Variants in DMD observed in about 807,000 individuals in gnomAD.
DMD encodes dystrophin.
Under a neutral mutation model 330.1 loss-of-function variants are expected in DMD, and 63 were observed. That is an observed-to-expected ratio of 0.19 (90% CI 0.16 to 0.24). The LOEUF (loss-of-function observed/expected upper bound fraction) is 0.24, where lower values mean the gene tolerates loss of function less well. DMD is among the 10% of genes least tolerant of loss of function. DMD has a pLI of 1.00. For synonymous variants in DMD, 1,223 were observed against 959.8 expected (o/e 1.27, Z -5.07); for missense variants, 3,344 against 2,684.1 (o/e 1.25, Z -5.43).
chrX:32,653,333 T>C (rs1320370706), intron 9 of DMD, among the ~76,000 whole-genome samples: 1 of 112,131 alleles, frequency 8.9e-6, no homozygotes, highest in African/African-American at 3.2e-5. Context: ...TTCATTTTTG[T>C]ATAATGTGTA....
At chrX:32,692,977 A>G (rs189925204) in intron 9 of DMD, among the ~76,000 whole-genome samples, 10 of 112,262 alleles carry the variant, frequency 8.9e-5, no homozygotes, top group African/African-American at 2.9e-4. Flanking sequence ...AATAATACAC[A>G]TGAGGAAACT....
At chrX:31,773,283 T>C (rs1470232069) in intron 51 of DMD, among the ~76,000 whole-genome samples, 1 of 112,113 alleles carries the variant, frequency 8.9e-6, no homozygotes, top group Non-Finnish European at 1.9e-5. Flanking sequence ...AGGTAAACCA[T>C]ATTTACATCA....
At chrX:31,508,774 G>T (rs1478389519) in intron 55 of DMD, among the ~76,000 whole-genome samples, 2 of 109,705 alleles carry the variant, frequency 1.8e-5, no homozygotes, top group African/African-American at 3.4e-5. Context: ...TGTGTAACTA[G>T]AAAAGTTTTT....
At chrX:31,553,311 C>T (rs1411927588) in intron 55 of DMD, among the ~76,000 whole-genome samples, 1 of 112,440 alleles carries the variant, frequency 8.9e-6, no homozygotes, top group African/African-American at 3.2e-5. Context: ...TAGTGGTCCC[C>T]TCCTGGGCAG....
At chrX:32,324,570 C>T (rs1376994212) in intron 41 of DMD, among the ~76,000 whole-genome samples, 1 of 111,385 alleles carries the variant, frequency 9.0e-6, no homozygotes, top group Non-Finnish European at 1.9e-5. Context: ...ATTGTAATGA[C>T]AAAAATCACA....
chrX:32,417,646 C>A (rs1370570334), intron 29 of DMD, among the ~76,000 whole-genome samples: 1 of 111,375 alleles, frequency 9.0e-6, no homozygotes, highest in African/African-American at 3.3e-5. Flanking sequence ...CATGTTTGAG[C>A]TATCTACCAG....
chrX:31,510,970 G>T (rs894725153), intron 55 of DMD, among the ~76,000 whole-genome samples: 3 of 111,669 alleles, frequency 2.7e-5, no homozygotes, highest in Non-Finnish European at 3.8e-5. Context: ...GAGCCATGTG[G>T]ACTACTATGA....
chrX:32,926,023 A>G (rs1323786924), intron 2 of DMD, among the ~76,000 whole-genome samples: 1 of 112,330 alleles, frequency 8.9e-6, no homozygotes, highest in East Asian at 2.8e-4. Flanking sequence ...ATTGTTCACA[A>G]TAGCCAAGGT....
At chrX:32,734,591 G>T (rs1331751375) in intron 7 of DMD, among the ~76,000 whole-genome samples, 10 of 103,505 alleles carry the variant, frequency 9.7e-5, no homozygotes, top group African/African-American at 3.7e-4. Flanking sequence ...TCATCCCTGG[G>T]ATGCAAGGCT....
intron 7 of DMD, among the ~76,000 whole-genome samples, chrX:32,718,908 T>A (rs1425834474): frequency 8.9e-6 from 1 of 112,128 alleles, no homozygotes; most frequent in East Asian, 2.8e-4. Flanking sequence ...TTGACTCAAG[T>A]GTAAATAGTT....
chrX:31,522,363 C>CTCTCTATA lies in DMD; in HGVS notation c.8218-14911_8218-14910insTATAGAGA. On this transcript the variant is annotated intron_variant, in intron 55 of 78. Coordinates refer to ENST00000357033, the MANE Select transcript of DMD (RefSeq NM_004006.3). ...TCTCTCTCTCTCTCTCTCTCTCTCTCTATATATATATATATATATATATAG... is the reference window on the plus strand; with the variant it reads ...TCTCTCTCTCTCTCTCTCTCTCTCTCTCTCTATATATATATATATATATATATATATAG... Among the ~76,000 whole-genome samples the CTCTCTATA allele has an allele frequency of 6.4e-4, 23 of 35,964 alleles. 1 individual carries two copies. The highest frequency in any genetic ancestry group is 2.5e-3 in the African/African-American group (13 of 5,290). The allele number at this position is 35,964 out of a possible 115,157, so 31.2% of individuals were successfully genotyped here.
At chrX:31,421,994 T>A (rs1483252537) in intron 60 of DMD, among the ~76,000 whole-genome samples, 1 of 72,424 alleles carries the variant, frequency 1.4e-5, no homozygotes, top group Non-Finnish European at 2.3e-5. Flanking sequence ...TATGTATATA[T>A]ACACACACAT....
intron 48 of DMD, among the ~76,000 whole-genome samples, chrX:31,846,434 TACACAC>T (rs67231830): frequency 0.026 from 2,480 of 95,431 alleles, 61 homozygotes; most frequent in African/African-American, 0.075. Flanking sequence ...AATCAAGAAA[TACACAC>T]ACACACACAC....
In DMD at chrX:33,128,465, C is replaced by A; in HGVS notation, c.31+82817G>T. On this transcript the variant is annotated intron_variant, in intron 1 of 78. Transcript: ENST00000357033. The stretch of plus-strand genomic sequence containing the variant: ...TCCCCTCTCACAGCAATGGTTTCTT[C>A]CCTCACCGGCTCAATCTACCTGATT... The A allele has an allele frequency of 1.2e-5, 11 of 919,301 alleles. No homozygotes were observed. The South Asian group carries it at 4.7e-4, about 39-fold the overall frequency. The allele number at this position is 919,301 out of a possible 1,213,427, so 75.8% of individuals were successfully genotyped here.
intron 1 of DMD, among the ~76,000 whole-genome samples, chrX:33,232,656 C>T (rs1401577151): frequency 9.0e-6 from 1 of 110,894 alleles, no homozygotes; most frequent in Non-Finnish European, 1.9e-5. Context: ...TTTGGGAGGC[C>T]GAGAGGGGCA....
chrX:32,902,074 T>G (rs746509159), intron 2 of DMD, among the ~76,000 whole-genome samples: 17 of 108,730 alleles, frequency 1.6e-4, no homozygotes, highest in African/African-American at 5.5e-4. Flanking sequence ...ATAATACATA[T>G]CATACGAATG....
At chrX:32,322,001 C>A (rs1408775094) in intron 41 of DMD, among the ~76,000 whole-genome samples, 1 of 110,583 alleles carries the variant, frequency 9.0e-6, no homozygotes, top group East Asian at 2.9e-4. Context: ...ATGATCATGG[C>A]TAAAAATAAA....
intron 63 of DMD, among the ~76,000 whole-genome samples, chrX:31,239,781 C>T (rs1228220060): frequency 1.8e-5 from 2 of 111,952 alleles, no homozygotes; most frequent in East Asian, 2.8e-4. Context: ...CTCCTCCTAA[C>T]CCGCTCTGAC....
rs202204468 is a variant in DMD at position 32,890,668 on chromosome X, T to TA, written c.94-40849dup. 4.6e-3 allele frequency among the ~76,000 whole-genome samples: 515 copies of TA among 111,151 alleles called. 5 individuals carry two copies. The highest frequency in any genetic ancestry group is 0.016 in the African/African-American group (482 of 30,623). On this transcript the variant is annotated intron_variant, in intron 2 of 78. Transcript: ENST00000357033. ...AGAAGGCGAAACATCCCAGATTGTC[T>TA]AAAAAAAAGAAATTCGGGAAATCAG...
Sources: allele counts gnomAD v4.1 joint callset (sites outside exome capture counted in the v4.1 genomes callset), GRCh38; gene constraint gnomAD v4.1.1; transcripts MANE v1.5; gene names NCBI Gene and HGNC (gene_info 2026-07-23, HGNC 2026-07-21).